Variants in CNTN6 observed in about 807,000 individuals in gnomAD.
CNTN6 encodes the protein contactin-6.
In CNTN6, 137 loss-of-function variants were observed where a neutral mutation model predicts 122.8. That is an observed-to-expected ratio of 1.12 (90% CI 0.97 to 1.29). The LOEUF is 1.29. Among genes scored for constraint, CNTN6 ranks in the 50% most tolerant of loss-of-function variants. The pLI is 0.00. For missense variants in CNTN6, 1,634 were observed against 1,223.4 expected (o/e 1.34, Z -5.01); for synonymous variants, 570 against 426.0 (o/e 1.34, Z -4.16).
chr3:1,362,260 C>T (rs1346252016), intron 12 of CNTN6, among the ~76,000 whole-genome samples: 2 of 152,010 alleles, frequency 1.3e-5, no homozygotes, highest in African/African-American at 4.8e-5. Context: ...TGATCCACAA[C>T]GTCTAGCATT....
At chr3:1,355,066 C>T (rs1706330613) in intron 12 of CNTN6, among the ~76,000 whole-genome samples, 1 of 151,520 alleles carries the variant, frequency 6.6e-6, no homozygotes, top group Non-Finnish European at 1.5e-5. Flanking sequence ...GCCTGATTAT[C>T]AAGTTACTTT....
At chr3:1,269,054 T>C (rs997358876) in intron 4 of CNTN6, among the ~76,000 whole-genome samples, 3 of 152,180 alleles carry the variant, frequency 2.0e-5, no homozygotes, top group Admixed American at 1.3e-4. Flanking sequence ...CCTCGTATCA[T>C]CAGTAATGTG....
At chr3:1,232,039 A>G (rs571923408) in intron 4 of CNTN6, among the ~76,000 whole-genome samples, 1 of 152,338 alleles carries the variant, frequency 6.6e-6, no homozygotes, top group South Asian at 2.1e-4. Flanking sequence ...AGAACATTGC[A>G]TCTGTCATTG....
intron 4 of CNTN6, among the ~76,000 whole-genome samples, chr3:1,269,152 G>T (rs1025327235): frequency 6.2e-4 from 94 of 152,052 alleles, no homozygotes; most frequent in African/African-American, 2.1e-3. Context: ...TCTGAGGCAG[G>T]TACTATTGTT....
chr3:1,374,442 G>A (rs1380921099), intron 16 of CNTN6, among the ~76,000 whole-genome samples: 2 of 152,058 alleles, frequency 1.3e-5, no homozygotes, highest in Non-Finnish European at 2.9e-5. Context: ...GACTCTGTTG[G>A]TGCAGTCAGC....
At chr3:1,389,549 A>G (rs1268456270) in intron 20 of CNTN6, among the ~76,000 whole-genome samples, 4 of 152,216 alleles carry the variant, frequency 2.6e-5, no homozygotes, top group Non-Finnish European at 5.9e-5. Flanking sequence ...GACAGGATCA[A>G]ATTCACACAT....
chr3:1,192,986 A>G (rs1273556159), intron 2 of CNTN6, among the ~76,000 whole-genome samples: 1 of 152,132 alleles, frequency 6.6e-6, no homozygotes, highest in African/African-American at 2.4e-5. Context: ...AAGAATTACT[A>G]AAGAAACGTA....
chr3:1,224,787 C>T (rs2094257538), intron 3 of CNTN6, among the ~76,000 whole-genome samples: 1 of 152,112 alleles, frequency 6.6e-6, no homozygotes, highest in Non-Finnish European at 1.5e-5. Context: ...GCTCTGTCAG[C>T]CAGGTTGGAG....
At chr3:1,362,609 C>T (rs1247669686) in intron 12 of CNTN6, among the ~76,000 whole-genome samples, 1 of 151,556 alleles carries the variant, frequency 6.6e-6, no homozygotes, top group African/African-American at 2.4e-5. Context: ...TAAACTGCAG[C>T]ATGGAGAGAG....
At chr3:1,284,580 T>C (rs1694029348) in intron 5 of CNTN6, among the ~76,000 whole-genome samples, 1 of 152,220 alleles carries the variant, frequency 6.6e-6, no homozygotes, top group African/African-American at 2.4e-5. Flanking sequence ...CCACTCGTTT[T>C]TCTGCATTTT....
Position 1,219,087 on chromosome 3 carries a change from A to G in CNTN6, c.56-1600A>G, listed in dbSNP as rs180943253. Among the ~76,000 whole-genome samples the G allele has an allele frequency of 2.5e-4, 38 of 152,378 alleles. 3 individuals carry two copies. The East Asian group carries it at 7.3e-3, about 29-fold the overall frequency. ...AACCTTGGATTCACACCGATAAAACAGATCATCCTCATAGAAATATATGAA... is the reference window on the plus strand; with the variant it reads ...AACCTTGGATTCACACCGATAAAACGGATCATCCTCATAGAAATATATGAA... On this transcript the variant is annotated intron_variant, in intron 2 of 22. Transcript: ENST00000446702.
At chr3:1,297,119 T>C (rs1045804353) in intron 6 of CNTN6, among the ~76,000 whole-genome samples, 3 of 152,184 alleles carry the variant, frequency 2.0e-5, no homozygotes, top group Non-Finnish European at 4.4e-5. Flanking sequence ...ATGTTTATAA[T>C]GATCAAGTCT....
chr3:1,319,640 T>C (rs1001419090), intron 7 of CNTN6, among the ~76,000 whole-genome samples: 3 of 151,510 alleles, frequency 2.0e-5, no homozygotes, highest in Non-Finnish European at 3.0e-5. Flanking sequence ...GCCTTTTCAA[T>C]TGGATACTTT....
intron 2 of CNTN6, among the ~76,000 whole-genome samples, chr3:1,172,985 A>T (rs2093386029): frequency 1.3e-5 from 2 of 152,160 alleles, no homozygotes; most frequent in Non-Finnish European, 1.5e-5. Context: ...CCAGGAGTGG[A>T]GGGTTCAGGT....
chr3:1,162,342 A>C (rs2093154052), intron 2 of CNTN6, among the ~76,000 whole-genome samples: 1 of 152,192 alleles, frequency 6.6e-6, no homozygotes, highest in South Asian at 2.1e-4. Context: ...GAATTTCAGA[A>C]AGCACTTATA....
intron 4 of CNTN6, among the ~76,000 whole-genome samples, chr3:1,254,860 A>G (rs1326106456): frequency 2.0e-5 from 3 of 152,110 alleles, no homozygotes; most frequent in Admixed American, 2.0e-4. Flanking sequence ...AAAAAAACCC[A>G]TGATGTCCAG....
At chr3:1,191,153 A>G (rs1425635700) in intron 2 of CNTN6, among the ~76,000 whole-genome samples, 1 of 152,012 alleles carries the variant, frequency 6.6e-6, no homozygotes, top group Non-Finnish European at 1.5e-5. Flanking sequence ...TTGTCCTAGT[A>G]TTTGTTTTTT....
intron 2 of CNTN6, among the ~76,000 whole-genome samples, chr3:1,197,833 C>G (rs2093800434): frequency 6.6e-6 from 1 of 152,234 alleles, no homozygotes; most frequent in Non-Finnish European, 1.5e-5. Flanking sequence ...TATAAACTAT[C>G]TCAAAGTCTG....
chr3:1,373,093 C>G, intron 14 of CNTN6, 138 bp downstream of exon 14: 1 of 578,750 alleles, frequency 1.7e-6, no homozygotes, highest in South Asian at 2.4e-5. Context: ...TTTTTAAACC[C>G]CAGGACTCCA....
Sources: gnomAD v4.1 joint callset for allele counts (sites outside exome capture counted in the v4.1 genomes callset) on GRCh38, gnomAD v4.1.1 for gene constraint, MANE v1.5 for transcripts, NCBI Gene and HGNC (gene_info 2026-07-23, HGNC 2026-07-21) for gene names.